Variants in KIF21A observed in about 807,000 individuals in gnomAD.
The protein encoded by KIF21A is kinesin family member 21A, also known as kinesin-like protein KIF21A.
Under a neutral mutation model 202.9 loss-of-function variants are expected in KIF21A, and 114 were observed. The observed-to-expected ratio is 0.56, with a 90% CI of 0.48 to 0.66. The LOEUF is 0.66. Among genes scored for constraint, KIF21A ranks in the 30% least tolerant of loss-of-function variants. The probability of loss-of-function intolerance (pLI) is 0.00; values close to 1 mark genes in which losing one functional copy is unlikely to be tolerated. For synonymous variants in KIF21A, 667 were observed against 670.8 expected, an observed-to-expected ratio of 0.99 and a Z score of 0.09; for missense variants, 1,677 against 1,994.9, an observed-to-expected ratio of 0.84 and a Z score of 3.04.
intron 2 of KIF21A, 48 bp from the exon 3 acceptor site, chr12:39,369,959 T>C (rs774098964): frequency 6.3e-7 from 1 of 1,598,702 alleles, no homozygotes; most frequent in Non-Finnish European, 8.6e-7. Context: ...TAACATAACC[T>C]TAAGAAACAA....
chr12:39,426,353 T>TG (rs1954750822), intron 1 of KIF21A, among the ~76,000 whole-genome samples: 1 of 152,174 alleles, frequency 6.6e-6, no homozygotes, highest in Non-Finnish European at 1.5e-5. Flanking sequence ...ACTCATATCC[T>TG]TGTATGTGTG....
In KIF21A at chr12:39,442,450, T is replaced by C. The variant is rs150918457; in HGVS notation, c.44+477A>G. On this transcript the variant is annotated intron_variant, in intron 1 of 37. Coordinates refer to ENST00000361418, the MANE Select transcript of KIF21A (RefSeq NM_001173464.2). The surrounding 1 kb of genome is among the most constrained non-coding windows in gnomAD (Gnocchi z 5.0). Reference sequence around the variant, plus strand: ...CGGGCCCTGCGGTCGCCGGCGCTGATAGTCAGATGCTTTGTCTCCTGCCTG... The same window carrying C: ...CGGGCCCTGCGGTCGCCGGCGCTGACAGTCAGATGCTTTGTCTCCTGCCTG... 3.9e-3 allele frequency among the ~76,000 whole-genome samples: 587 copies of C among 152,178 alleles called. 3 individuals carry two copies. Among genetic ancestry groups the C allele is most frequent in the African/African-American group, 0.013 (557 of 41,508 alleles).
At chr12:39,298,980 C>T (rs934462150) in intron 37 of KIF21A, among the ~76,000 whole-genome samples, 3 of 152,104 alleles carry the variant, frequency 2.0e-5, no homozygotes, top group African/African-American at 7.2e-5. Flanking sequence ...ACATAGTAAG[C>T]ACTATATAAA....
chr12:39,337,272 A>C, intron 16 of KIF21A, 69 bp from the exon 17 acceptor site: 2 of 985,238 alleles, frequency 2.0e-6, no homozygotes, highest in Non-Finnish European at 3.3e-6. Context: ...AACCACATAT[A>C]TGGAAGTAAG....
chr12:39,420,085 A>C (rs1954126630), intron 1 of KIF21A, among the ~76,000 whole-genome samples: 1 of 151,624 alleles, frequency 6.6e-6, no homozygotes, highest in African/African-American at 2.4e-5. Context: ...AAAAAAAAAA[A>C]AAAAAAAAAA....
intron 1 of KIF21A, among the ~76,000 whole-genome samples, chr12:39,429,500 G>T (rs914254438): frequency 2.6e-5 from 4 of 152,130 alleles, no homozygotes; most frequent in East Asian, 3.8e-4. Context: ...TAAAAAGGGG[G>T]CCCAAGTGAA....
intron 1 of KIF21A, among the ~76,000 whole-genome samples, chr12:39,385,935 A>G (rs1040097312): frequency 2.0e-5 from 3 of 152,224 alleles, no homozygotes; most frequent in Non-Finnish European, 4.4e-5. Flanking sequence ...ATTGATGCCT[A>G]GGTTACTGTA....
chr12:39,376,651 C>T (rs1311197268), intron 1 of KIF21A, among the ~76,000 whole-genome samples: 6 of 152,124 alleles, frequency 3.9e-5, no homozygotes, highest in Non-Finnish European at 4.4e-5. Context: ...CTATAACTTA[C>T]GTGTGCAAGA....
intron 1 of KIF21A, among the ~76,000 whole-genome samples, chr12:39,415,278 C>T (rs577511517): frequency 1.6e-3 from 184 of 115,806 alleles, no homozygotes; most frequent in African/African-American, 5.8e-3. Flanking sequence ...CTTGCTCTGT[C>T]GCCCAGGCTG....
At chr12:39,337,325 G>C in intron 16 of KIF21A, 122 bp from the exon 17 acceptor site, 1 of 707,514 alleles carries the variant, frequency 1.4e-6, no homozygotes, top group Non-Finnish European at 2.5e-6. Context: ...ATGCAGTTTT[G>C]CTGCACGTTT....
rs1946570072 is a variant in KIF21A at position 39,332,250 on chromosome 12, A to G, written c.3015T>C (p.Asp1005=). 1.9e-6 allele frequency: 3 copies of G among 1,613,874 alleles called. No individual in the cohort carries two copies. Among genetic ancestry groups the G allele is most frequent in the Non-Finnish European group, 2.5e-6 (3 of 1,179,974 alleles). Residue 1005 remains aspartate (D), a synonymous_variant, in exon 21 of 38, where the codon GAT becomes GAC. Coordinates refer to ENST00000361418, the MANE Select transcript of KIF21A (RefSeq NM_001173464.2). ...NIDYINDSIS[D]CQANIMQMEE... ...CCATCTGCATTATGTTGGCCTGACA[A>G]TCAGAAATACTGTCATTGATGTAAT...
At chr12:39,409,928 T>G (rs1952945960) in intron 1 of KIF21A, among the ~76,000 whole-genome samples, 1 of 151,690 alleles carries the variant, frequency 6.6e-6, no homozygotes, top group South Asian at 2.1e-4. Context: ...GCCTTCCAGG[T>G]TCAAGTGACT....
intron 1 of KIF21A, among the ~76,000 whole-genome samples, chr12:39,406,954 A>G (rs1952639952): frequency 6.6e-6 from 1 of 152,180 alleles, no homozygotes; most frequent in Non-Finnish European, 1.5e-5. Context: ...TCAGAATAAA[A>G]CTTCATCTTC....
intron 1 of KIF21A, among the ~76,000 whole-genome samples, chr12:39,407,557 TATTC>T (rs1459474227): frequency 6.6e-6 from 1 of 152,132 alleles, no homozygotes; most frequent in Non-Finnish European, 1.5e-5. Flanking sequence ...CTGCCAGAAA[TATTC>T]ATTTATTCCC....
intron 31 of KIF21A, among the ~76,000 whole-genome samples, chr12:39,314,269 G>A (rs1944304598): frequency 6.6e-6 from 1 of 151,718 alleles, no homozygotes; most frequent in Non-Finnish European, 1.5e-5. Flanking sequence ...TTGCATACAT[G>A]TGTCAATTTG....
rs775571238 is a variant in KIF21A, at chr12:39,340,147, G to GA, written c.2310+17dup. 2 of 1,598,000 alleles carry GA rather than the reference G, an allele frequency of 1.3e-6. No homozygotes were observed. Among genetic ancestry groups the GA allele is most frequent in the Non-Finnish European group, 8.6e-7 (1 of 1,167,232 alleles). On this transcript the variant is annotated intron_variant, in intron 16 of 37. Coordinates refer to ENST00000361418, the MANE Select transcript of KIF21A (RefSeq NM_001173464.2). Reference sequence around the variant, plus strand: ...TCATACTGAACATCAAACGTTAATGGAAAAAAATAATCAATACCTTTGTTT... The same window carrying GA: ...TCATACTGAACATCAAACGTTAATGGAAAAAAAATAATCAATACCTTTGTTT...
chr12:39,309,456 T>A (rs1167880408), intron 33 of KIF21A, 130 bp downstream of exon 33: 1 of 659,120 alleles, frequency 1.5e-6, no homozygotes, highest in African/African-American at 1.8e-5. Flanking sequence ...CACTTTAATA[T>A]CCTCTGGGAA....
At chr12:39,439,708 G>A (rs1939300406) in intron 1 of KIF21A, among the ~76,000 whole-genome samples, 2 of 152,166 alleles carry the variant, frequency 1.3e-5, no homozygotes, top group South Asian at 4.1e-4. Context: ...GATAGCAAGG[G>A]CTGTTATCCA....
rs183887144 is a variant in KIF21A, at chr12:39,352,906, G to A, written c.1470-926C>T. On this transcript the variant is annotated intron_variant, in intron 10 of 37. Transcript: ENST00000361418. ...TATTGAGACTAAAAGGATTCAGAGA[G>A]TCCTCTAGGCCAATTCCCTTATTTC... Among the ~76,000 whole-genome samples, 18 of 152,240 alleles carry A rather than the reference G, an allele frequency of 1.2e-4. No individual in the cohort carries two copies. In the East Asian group the frequency reaches 3.5e-3, roughly 29 times the overall value.
Sources: gnomAD v4.1 joint callset for allele counts (sites outside exome capture counted in the v4.1 genomes callset) on GRCh38, gnomAD v4.1.1 for gene constraint, Gnocchi (gnomAD v3.1) non-coding constraint, MANE v1.5 for transcripts, NCBI Gene and HGNC (gene_info 2026-07-23, HGNC 2026-07-21) for gene names.